FSCN2: variants seen among roughly 807,000 people sequenced by gnomAD.
FSCN2 encodes the protein fascin-2.
In FSCN2, 46 loss-of-function variants were observed where a neutral mutation model predicts 37.8. The ratio of observed to expected loss-of-function variants is 1.22; its 90% confidence interval spans 0.96 to 1.56. The LOEUF (loss-of-function observed/expected upper bound fraction) is 1.56, where lower values mean the gene tolerates loss of function less well. FSCN2 is among the 40% of genes most tolerant of loss of function. FSCN2 has a pLI of 0.00. For synonymous variants in FSCN2, 351 were observed against 309.4 expected, an observed-to-expected ratio of 1.13 and a Z score of -1.41; for missense variants, 844 against 730.4, an observed-to-expected ratio of 1.16 and a Z score of -1.79.
the FSCN2 span, among the ~76,000 whole-genome samples, chr17:81,518,480 G>C: frequency 2.0e-5 from 3 of 152,124 alleles, no homozygotes; most frequent in Admixed American, 6.5e-5. Flanking sequence ...CCCTGGAGGA[G>C]GGAGCGCAGA....
chr17:81,515,165 A>C, the FSCN2 span, among the ~76,000 whole-genome samples: 5 of 152,072 alleles, frequency 3.3e-5, no homozygotes, highest in Non-Finnish European at 5.9e-5. Flanking sequence ...CGCGGGGCGC[A>C]GGGGGCTGGA....
the FSCN2 span, among the ~76,000 whole-genome samples, chr17:81,517,592 CTG>C: frequency 1.3e-5 from 2 of 152,194 alleles, no homozygotes; most frequent in Non-Finnish European, 2.9e-5. Context: ...GCTCCTCCCT[CTG>C]TTCCCAAGGG....
chr17:81,529,242 C>A lies in FSCN2; in HGVS notation c.711C>A (p.Thr237=), dbSNP rs1555670817. 6.3e-7 allele frequency: 1 copy of A among 1,597,484 alleles called. No individual in the cohort carries two copies. Among genetic ancestry groups the A allele is most frequent in the South Asian group, 1.1e-5 (1 of 89,446 alleles). ...HYLAPVGPAG[T]LKAGRNTRPG... ...TGGCACCCGTGGGGCCCGCAGGCACCCTCAAGGCCGGCCGAAACACGCGAC... is the reference window on the plus strand; with the variant it reads ...TGGCACCCGTGGGGCCCGCAGGCACACTCAAGGCCGGCCGAAACACGCGAC... The change falls in exon 1 of 5, where the codon ACC becomes ACA. Residue 237 remains threonine, a synonymous_variant. Coordinates refer to ENST00000417245, the MANE Select transcript of FSCN2 (RefSeq NM_012418.4).
chr17:81,522,733 C>A, the FSCN2 span, among the ~76,000 whole-genome samples: 1,856 of 152,334 alleles, frequency 0.012, 18 homozygotes, highest in Non-Finnish European at 0.017. Context: ...CTCGTTCACG[C>A]CAGGTGTCCA....
rs1238309016 is a variant in FSCN2 at position 81,529,485 on chromosome 17, G to A, written c.826+128G>A. On this transcript the variant is annotated intron_variant, in intron 1 of 4. Transcript: ENST00000417245. Reference sequence around the variant, plus strand: ...GTTCACATGTCTGTTCTGGGCTGGGGGTCCATGTGGGACATGTGTGGCCAC... The same window carrying A: ...GTTCACATGTCTGTTCTGGGCTGGGAGTCCATGTGGGACATGTGTGGCCAC... The A allele has an allele frequency of 2.2e-5, 19 of 865,874 alleles. No individual in the cohort carries two copies. The African/African-American group carries it at 2.8e-4, about 13-fold the overall frequency. 53.6% of individuals were successfully genotyped at this position (865,874 alleles called of 1,614,324 possible). A position where few individuals can be genotyped will look rare whatever the true frequency, so the allele number is the denominator to read the frequency against.
intron 1 of FSCN2, chr17:81,530,483 G>A (rs1371051193): frequency 7.4e-6 from 3 of 405,754 alleles, no homozygotes; most frequent in Non-Finnish European, 1.4e-5. Flanking sequence ...CTACCCACCT[G>A]GGCTCCTGGC....
chr17:81,531,765 G>GCGA (rs1568078141), intron 1 of FSCN2, among the ~76,000 whole-genome samples: 2 of 125,868 alleles, frequency 1.6e-5, no homozygotes, highest in Non-Finnish European at 3.3e-5. Flanking sequence ...GGCGATGATG[G>GCGA]TGATGATAGT....
At chr17:81,533,129 G>A (rs989349026) in intron 1 of FSCN2, among the ~76,000 whole-genome samples, 1 of 152,188 alleles carries the variant, frequency 6.6e-6, no homozygotes, top group Admixed American at 6.5e-5. Context: ...CCTCTGTGGA[G>A]TGGCTACATG....
At chr17:81,531,316 T>G (rs2032561669) in intron 1 of FSCN2, among the ~76,000 whole-genome samples, 1 of 56,472 alleles carries the variant, frequency 1.8e-5, no homozygotes, top group Non-Finnish European at 3.7e-5. Flanking sequence ...GTGGTGGTGG[T>G]GATGATGGTG....
In FSCN2 at chr17:81,536,948, C is replaced by T. The variant is rs762670634; in HGVS notation, c.1347C>T (p.Phe449=). The change falls in exon 5 of 5, where the codon TTC becomes TTT. Residue 449 remains phenylalanine (F), a synonymous_variant. Transcript: ENST00000417245. ...GCGACGGCGAACGCGCCGAGGACTT[C>T]GTCTTCGAGTTCCGTGAGCGCGGCC... ...VCSDGERAED[F]VFEFRERGRL... is the part of the protein sequence containing the mutation. The T allele has an allele frequency of 3.8e-6, 6 of 1,566,624 alleles. No homozygotes were observed. The highest frequency in any genetic ancestry group is 2.4e-5 in the East Asian group (1 of 40,832).
chr17:81,528,761 T>C lies in FSCN2; in HGVS notation c.230T>C (p.Val77Ala), dbSNP rs1254340098. 6.3e-7 allele frequency: 1 copy of C among 1,581,604 alleles called. No homozygotes were observed. The highest frequency in any genetic ancestry group is 8.6e-7 in the Non-Finnish European group (1 of 1,165,600). Reference protein sequence around the residue: ...RYLSAEEDGRVACEAEQPGRD... With the variant: ...RYLSAEEDGRAACEAEQPGRD... The stretch of plus-strand genomic sequence containing the variant: ...CTGTCGGCAGAAGAGGACGGGCGCG[T>C]GGCCTGTGAGGCAGAGCAGCCGGGC... The change falls in exon 1 of 5, where the codon GTG becomes GCG. Residue 77 changes from valine to alanine, a missense_variant. Transcript: ENST00000417245.
At chr17:81,520,925 A>G in the FSCN2 span, among the ~76,000 whole-genome samples, 1 of 151,870 alleles carries the variant, frequency 6.6e-6, no homozygotes, top group South Asian at 2.1e-4. Flanking sequence ...TGGGCATTAT[A>G]CCTTCTGGAT....
At chr17:81,516,286 CATGACCGTGTAAG>C in the FSCN2 span, among the ~76,000 whole-genome samples, 1 of 152,242 alleles carries the variant, frequency 6.6e-6, no homozygotes, top group Non-Finnish European at 1.5e-5. Context: ...GCAGTTGTCC[CATGACCGTGTAAG>C]ATGCCAGGTT....
chr17:81,527,998 G>T (rs982603817), upstream of FSCN2, among the ~76,000 whole-genome samples: 1 of 152,126 alleles, frequency 6.6e-6, no homozygotes, highest in Non-Finnish European at 1.5e-5. Context: ...GAGGGTACGG[G>T]CGGCGATCAG....
chr17:81,520,968 T>C, the FSCN2 span, among the ~76,000 whole-genome samples: 1 of 152,222 alleles, frequency 6.6e-6, no homozygotes, highest in Non-Finnish European at 1.5e-5. Flanking sequence ...TTTTCTTCTG[T>C]CTACTTTTTT....
intron 1 of FSCN2, among the ~76,000 whole-genome samples, chr17:81,532,521 G>GTGATGGTGA (rs1568079548): frequency 7.6e-6 from 1 of 132,402 alleles, no homozygotes; most frequent in African/African-American, 3.2e-5. Flanking sequence ...GGTGACGATG[G>GTGATGGTGA]TGATGATGAT....
At position 81,528,464 on chromosome 17, in the gene FSCN2, G is replaced by T. The variant is rs2032421363; in HGVS notation, c.-68G>T. 4 of 1,227,014 alleles carry T rather than the reference G, an allele frequency of 3.3e-6. No individual in the cohort carries two copies. The South Asian group carries it at 5.7e-5, about 17-fold the overall frequency. The allele number at this position is 1,227,014 out of a possible 1,614,324, so 76.0% of individuals were successfully genotyped here. A position where few individuals can be genotyped will look rare whatever the true frequency, so the allele number is the denominator to read the frequency against. On this transcript the variant is annotated 5_prime_UTR_variant, in exon 1 of 5. Coordinates refer to ENST00000417245, the MANE Select transcript of FSCN2 (RefSeq NM_012418.4). ...GCCGAGCCGACCCGGGCTTCTGGGG[G>T]ACCGCGGGGGCCGTGAGCACTCAGA...
At chr17:81,518,680 G>C in the FSCN2 span, among the ~76,000 whole-genome samples, 2 of 152,176 alleles carry the variant, frequency 1.3e-5, no homozygotes, top group South Asian at 4.1e-4. Flanking sequence ...TGTCCAGTGT[G>C]CGCGGGGCAC....
Position 81,529,000 on chromosome 17 carries a change from C to A in FSCN2, c.469C>A (p.Arg157=). 1 of 1,583,312 alleles carries A rather than the reference C, an allele frequency of 6.3e-7. No individual in the cohort carries two copies. Among genetic ancestry groups the A allele is most frequent in the Non-Finnish European group, 8.5e-7 (1 of 1,169,610 alleles). ...SRRRYVHLCP[R]EDEMAADGDK... ...GCGGCGCTACGTGCACCTGTGCCCG[C>A]GGGAGGACGAGATGGCCGCAGACGG... The change falls in exon 1 of 5, where the codon CGG becomes AGG. Residue 157 remains arginine, a synonymous_variant. Coordinates refer to ENST00000417245, the MANE Select transcript of FSCN2 (RefSeq NM_012418.4).
Sources: gnomAD v4.1 joint callset for allele counts (sites outside exome capture counted in the v4.1 genomes callset) on GRCh38, gnomAD v4.1.1 for gene constraint, MANE v1.5 for transcripts, NCBI Gene and HGNC (gene_info 2026-07-23, HGNC 2026-07-21) for gene names.